The following C6orf89 variants were observed in gnomAD, a reference collection of about 807,000 sequenced individuals.
C6orf89 encodes chromosome 6 open reading frame 89.
Under a neutral mutation model 40.7 loss-of-function variants are expected in C6orf89, and 29 were observed. The ratio of observed to expected loss-of-function variants is 0.71; its 90% CI spans 0.53 to 0.97. The LOEUF is 0.97. Among genes scored for constraint, C6orf89 ranks in the 50% least tolerant of loss-of-function variants. The probability of loss-of-function intolerance (pLI) is 0.00; values close to 1 mark genes in which losing one functional copy is unlikely to be tolerated. For synonymous variants in C6orf89, 165 were observed against 152.2 expected (o/e 1.08, Z -0.62); for missense variants, 392 against 429.1 (o/e 0.91, Z 0.76).
intron 1 of C6orf89, chr6:36,874,810 T>C: frequency 6.2e-7 from 1 of 1,610,192 alleles, no homozygotes; most frequent in South Asian, 1.1e-5. Flanking sequence ...TAGTAATTGC[T>C]ACTTCCGGCG....
intron 7 of C6orf89, 63 bp from the exon 8 acceptor site, chr6:36,919,515 C>T: frequency 1.3e-6 from 2 of 1,556,732 alleles, no homozygotes; most frequent in South Asian, 2.3e-5. Context: ...ATTTACTAAA[C>T]CCCCTGGTTT....
upstream of C6orf89, chr6:36,885,740 T>G: frequency 3.3e-5 from 11 of 335,432 alleles, no homozygotes; most frequent in East Asian, 8.9e-5. Flanking sequence ...AAGACAAGGA[T>G]TTAGGACTGG....
chr6:36,902,142 C>G, intron 3 of C6orf89, 79 bp from the exon 4 acceptor site: 1 of 1,209,728 alleles, frequency 8.3e-7, no homozygotes, highest in Non-Finnish European at 1.2e-6. Context: ...GCAGAAGAAG[C>G]CTGTTTTGTT....
At chr6:36,906,011 T>A (rs1224499) in intron 4 of C6orf89, among the ~76,000 whole-genome samples, 2 of 152,066 alleles carry the variant, frequency 1.3e-5, no homozygotes, top group African/African-American at 4.8e-5. Flanking sequence ...CAATTATTTT[T>A]TTTACTTTGG....
chr6:36,909,936 A>G (rs1311436439), intron 4 of C6orf89, among the ~76,000 whole-genome samples: 1 of 152,168 alleles, frequency 6.6e-6, no homozygotes, highest in African/African-American at 2.4e-5. Flanking sequence ...AAGATTATAA[A>G]AATACTCATT....
At chr6:36,877,098 G>C (rs1239928013) in intron 1 of C6orf89, among the ~76,000 whole-genome samples, 1 of 152,150 alleles carries the variant, frequency 6.6e-6, no homozygotes, top group African/African-American at 2.4e-5. Context: ...ATGTTTGTGA[G>C]ATGTATTCAT....
chr6:36,921,863 A>G (rs1168128693), intron 8 of C6orf89, among the ~76,000 whole-genome samples: 1 of 151,990 alleles, frequency 6.6e-6, no homozygotes, highest in African/African-American at 2.4e-5. Flanking sequence ...CCTTGTATCT[A>G]CCCAAAATTA....
intron 2 of C6orf89, among the ~76,000 whole-genome samples, chr6:36,896,208 A>G (rs1469074120): frequency 6.6e-6 from 1 of 152,126 alleles, no homozygotes; most frequent in South Asian, 2.1e-4. Flanking sequence ...CCCAGATTCA[A>G]GTGATTCTTC....
chr6:36,910,499 G>A (rs1322081583), intron 4 of C6orf89, among the ~76,000 whole-genome samples: 7 of 152,130 alleles, frequency 4.6e-5, no homozygotes, highest in Admixed American at 3.3e-4. Flanking sequence ...AGGCCAAGGC[G>A]GGTGGATTGC....
rs1762617000 is a variant in C6orf89 at position 36,924,456 on chromosome 6, T to C, written c.*1015T>C. On this transcript the variant is annotated 3_prime_UTR_variant, in exon 9 of 9. Coordinates refer to ENST00000480824, the MANE Select transcript of C6orf89 (RefSeq NM_001286635.2). ...TGTCAGCTGGGTGTACAACTGCCTA[T>C]GTGATCCTCTGTCTTAAAATGATTT... The C allele has an allele frequency of 6.6e-6, 1 of 152,222 alleles. No individual in the cohort carries two copies. The highest frequency in any genetic ancestry group is 1.5e-5 in the Non-Finnish European group (1 of 68,048). 9.4% of individuals were successfully genotyped at this position (152,222 alleles called of 1,614,324 possible).
chr6:36,898,239 G>A (rs1275106995), intron 2 of C6orf89, among the ~76,000 whole-genome samples: 1 of 148,828 alleles, frequency 6.7e-6, no homozygotes, highest in Non-Finnish European at 1.5e-5. Flanking sequence ...TGTGCCACCA[G>A]GCCAAGCTGA....
At chr6:36,876,595 A>G (rs1265258770) in intron 1 of C6orf89, among the ~76,000 whole-genome samples, 1 of 152,044 alleles carries the variant, frequency 6.6e-6, no homozygotes, top group Non-Finnish European at 1.5e-5. Flanking sequence ...ATAGTGGTGC[A>G]TGCCTGTAAT....
chr6:36,908,097 GT>G (rs1205400823), intron 4 of C6orf89, among the ~76,000 whole-genome samples: 1 of 152,198 alleles, frequency 6.6e-6, no homozygotes, highest in African/African-American at 2.4e-5. Context: ...CCGTTTGCCC[GT>G]TCCTCTCTCT....
chr6:36,873,934 G>A (rs1471852107), intron 1 of C6orf89, among the ~76,000 whole-genome samples: 2 of 152,124 alleles, frequency 1.3e-5, no homozygotes, highest in Non-Finnish European at 2.9e-5. Flanking sequence ...AAGGTTTTTT[G>A]AGCAGGATCC....
At chr6:36,878,848 G>A (rs937803239) in intron 1 of C6orf89, among the ~76,000 whole-genome samples, 2 of 152,116 alleles carry the variant, frequency 1.3e-5, no homozygotes, top group Admixed American at 6.6e-5. Flanking sequence ...ATTGCTGTAC[G>A]TTAGTTTACC....
At chr6:36,911,929 A>AAC (rs1554137386) in intron 4 of C6orf89, among the ~76,000 whole-genome samples, 62 of 67,906 alleles carry the variant, frequency 9.1e-4, no homozygotes, top group African/African-American at 3.1e-3. Context: ...CATCACAGTG[A>AAC]ACCCCCCCCC....
intron 2 of C6orf89, among the ~76,000 whole-genome samples, chr6:36,880,219 C>T (rs1774767390): frequency 6.6e-6 from 1 of 152,174 alleles, no homozygotes; most frequent in African/African-American, 2.4e-5. Flanking sequence ...GAGTGCTATG[C>T]TTAAAAGTCA....
At position 36,923,499 on chromosome 6, in the gene C6orf89, A is replaced by C. The variant is rs1427898274; in HGVS notation, c.*58A>C. On this transcript the variant is annotated 3_prime_UTR_variant, in exon 9 of 9. Transcript: ENST00000480824. ...AGCCGAAAACCAGGTTGAAAGGGGAAAAATAAAAACAAAAACGATGAAACT... is the reference window on the plus strand; with the variant it reads ...AGCCGAAAACCAGGTTGAAAGGGGACAAATAAAAACAAAAACGATGAAACT... 7.3e-7 allele frequency: 1 copy of C among 1,375,832 alleles called. No individual in the cohort carries two copies. Among genetic ancestry groups the C allele is most frequent in the South Asian group, 1.2e-5 (1 of 85,106 alleles). The allele number at this position is 1,375,832 out of a possible 1,614,324, so 85.2% of individuals were successfully genotyped here. A position where few individuals can be genotyped will look rare whatever the true frequency, so the allele number is the denominator to read the frequency against.
At chr6:36,919,167 T>A (rs2150715162) in intron 7 of C6orf89, among the ~76,000 whole-genome samples, 1 of 152,362 alleles carries the variant, frequency 6.6e-6, no homozygotes, top group African/African-American at 2.4e-5. Context: ...TCAGCCACCA[T>A]GTGCTGGTTT....
Sources: gnomAD v4.1 joint callset for allele counts (sites outside exome capture counted in the v4.1 genomes callset) on GRCh38, gnomAD v4.1.1 for gene constraint, MANE v1.5 for transcripts, NCBI Gene and HGNC (gene_info 2026-07-23, HGNC 2026-07-21) for gene names.